Variants in KAZN observed in about 807,000 individuals in gnomAD.
KAZN encodes the protein kazrin, periplakin interacting protein, also known as kazrin.
KAZN carries 40 observed loss-of-function variants against 87.4 expected under a neutral mutation model. The ratio of observed to expected loss-of-function variants is 0.46; its 90% CI spans 0.36 to 0.60. The LOEUF is 0.60. KAZN is among the 20% of genes least tolerant of loss of function. The pLI is 0.00. For missense variants in KAZN, 898 were observed against 1,073.9 expected, an observed-to-expected ratio of 0.84 and a Z score of 2.29; for synonymous variants, 466 against 458.3, an observed-to-expected ratio of 1.02 and a Z score of -0.22.
intron 1 of KAZN, among the ~76,000 whole-genome samples, chr1:14,028,696 G>A (rs1456827123): frequency 6.6e-6 from 1 of 151,988 alleles, no homozygotes; most frequent in East Asian, 1.9e-4. Flanking sequence ...TGTCAAATAC[G>A]TCCATTGTAA....
intron 2 of KAZN, among the ~76,000 whole-genome samples, chr1:14,372,539 A>T (rs973947114): frequency 7.2e-5 from 11 of 152,216 alleles, no homozygotes; most frequent in African/African-American, 2.7e-4. Context: ...CCAGGTGCAA[A>T]AATTGAAAAT....
chr1:14,482,885 A>G (rs915527103), intron 2 of KAZN, among the ~76,000 whole-genome samples: 1 of 152,144 alleles, frequency 6.6e-6, no homozygotes, highest in African/African-American at 2.4e-5. Flanking sequence ...GACTGCCTGG[A>G]CTTACATTAC....
At chr1:14,930,824 T>C (rs1405676368) in intron 1 of KAZN, among the ~76,000 whole-genome samples, 1 of 91,598 alleles carries the variant, frequency 1.1e-5, no homozygotes, top group Non-Finnish European at 2.1e-5. Flanking sequence ...GCTCACTGGC[T>C]TGCCAATCAG....
intron 2 of KAZN, among the ~76,000 whole-genome samples, chr1:14,225,674 C>T (rs1183993918): frequency 6.6e-6 from 1 of 152,018 alleles, no homozygotes; most frequent in Non-Finnish European, 1.5e-5. Flanking sequence ...AGAAAACAGA[C>T]ACATAGGCCA....
chr1:14,883,351 A>G (rs1238755727), intron 1 of KAZN, among the ~76,000 whole-genome samples: 10 of 30,968 alleles, frequency 3.2e-4, no homozygotes, highest in East Asian at 3.0e-3. Context: ...AGAAAGAAAG[A>G]AAGAAAAGAA....
intron 2 of KAZN, among the ~76,000 whole-genome samples, chr1:14,340,922 C>G (rs1476893292): frequency 9.5e-6 from 1 of 104,738 alleles, no homozygotes; most frequent in East Asian, 3.1e-4. Context: ...GAGTCTCACT[C>G]TGTCGCCCAG....
chr1:14,100,351 G>A (rs988910042), intron 1 of KAZN, among the ~76,000 whole-genome samples: 7 of 152,176 alleles, frequency 4.6e-5, no homozygotes, highest in African/African-American at 1.7e-4. Context: ...GAGGTCCCCA[G>A]GACCACCCCC....
intron 2 of KAZN, among the ~76,000 whole-genome samples, chr1:14,388,810 T>C (rs10429926): frequency 0.64 from 97,861 of 152,048 alleles, 32,041 homozygotes; most frequent in East Asian, 0.83. Flanking sequence ...TTGAGTAATA[T>C]CCCACAAGCA....
intron 2 of KAZN, among the ~76,000 whole-genome samples, chr1:14,990,930 C>T (rs1009198567): frequency 6.6e-6 from 1 of 151,126 alleles, no homozygotes; most frequent in Non-Finnish European, 1.5e-5. Flanking sequence ...TAGCCACAGA[C>T]ACCCAGGGAA....
intron 1 of KAZN, among the ~76,000 whole-genome samples, chr1:14,834,600 A>G (rs1475066271): frequency 4.0e-5 from 6 of 151,888 alleles, no homozygotes; most frequent in Non-Finnish European, 7.4e-5. Flanking sequence ...TGACCTTGTG[A>G]TCCACCTGCC....
chr1:15,065,953 G>A, intron 8 of KAZN, 200 bp downstream of exon 8: 2 of 1,393,720 alleles, frequency 1.4e-6, no homozygotes, highest in Non-Finnish European at 1.9e-6. Flanking sequence ...CCTCTAACAA[G>A]TGAAAACACG....
chr1:13,970,551 C>T (rs567640699), intron 1 of KAZN, among the ~76,000 whole-genome samples: 181 of 152,140 alleles, frequency 1.2e-3, no homozygotes, highest in Non-Finnish European at 1.7e-3. Flanking sequence ...GGCTTGGAAC[C>T]GTGGAAGCCT....
intron 2 of KAZN, among the ~76,000 whole-genome samples, chr1:14,438,346 T>A (rs1490064883): frequency 6.6e-6 from 1 of 152,126 alleles, no homozygotes; most frequent in African/African-American, 2.4e-5. Flanking sequence ...CTTTCTGGTG[T>A]CGGGAGAAGG....
At chr1:14,131,749 GTTCAGGTGAGGCTTGA>G (rs1337671883) in intron 1 of KAZN, among the ~76,000 whole-genome samples, 2 of 152,088 alleles carry the variant, frequency 1.3e-5, no homozygotes, top group Admixed American at 6.5e-5. Context: ...GTAAAGTAGG[GTTCAGGTGAGGCTTGA>G]TTCAGGGCTC....
At chr1:14,507,986 A>T (rs892196346) in intron 2 of KAZN, among the ~76,000 whole-genome samples, 17 of 151,988 alleles carry the variant, frequency 1.1e-4, no homozygotes, top group African/African-American at 3.1e-4. Context: ...AATAAAAAAA[A>T]AAAAAATGTG....
chr1:14,923,689 T>C lies in KAZN; in HGVS notation c.227-36995T>C, dbSNP rs1219555748. 6.6e-6 allele frequency among the ~76,000 whole-genome samples: 1 copy of C among 152,132 alleles called. No homozygotes were observed. The highest frequency in any genetic ancestry group is 1.5e-5 in the Non-Finnish European group (1 of 68,000). ...CTCAGCATTCCCCTCACTTAGAGGA[T>C]GGCCGGTCACACGCAAAGATGAGCG... is the stretch of plus-strand genomic sequence containing the variant. On this transcript the variant is annotated intron_variant, in intron 1 of 14. Transcript: ENST00000376030. The surrounding 1 kb of genome is among the most constrained non-coding windows in gnomAD (Gnocchi z 4.2).
chr1:14,488,437 T>C (rs908139651), intron 2 of KAZN, among the ~76,000 whole-genome samples: 8 of 152,206 alleles, frequency 5.3e-5, no homozygotes, highest in Admixed American at 1.3e-4. Flanking sequence ...GTGAAATTGC[T>C]TGGACTGAAA....
At chr1:14,873,245 A>G (rs184154248) in intron 1 of KAZN, among the ~76,000 whole-genome samples, 3 of 152,378 alleles carry the variant, frequency 2.0e-5, no homozygotes, top group African/African-American at 7.2e-5. Context: ...TCAAGTAGTT[A>G]GGGATAGAAT....
intron 2 of KAZN, among the ~76,000 whole-genome samples, chr1:14,556,581 C>T (rs1206862000): frequency 2.0e-5 from 3 of 151,998 alleles, no homozygotes; most frequent in African/African-American, 4.8e-5. Context: ...TAAAAGAAGA[C>T]AACATTTTTT....
Sources: allele counts gnomAD v4.1 joint callset (sites outside exome capture counted in the v4.1 genomes callset), GRCh38; gene constraint gnomAD v4.1.1; non-coding constraint Gnocchi (gnomAD v3.1); transcripts MANE v1.5; gene names NCBI Gene and HGNC (gene_info 2026-07-23, HGNC 2026-07-21).